Variants in ESR1 observed in about 807,000 individuals in gnomAD.
The protein encoded by ESR1 is estrogen receptor.
ESR1 carries 12 observed loss-of-function variants against 52.7 expected under a neutral mutation model. The observed-to-expected ratio is 0.23, with a 90% CI of 0.15 to 0.37. The LOEUF (loss-of-function observed/expected upper bound fraction) is 0.37. Ranked by LOEUF, ESR1 falls within the 10% of genes least tolerant of loss-of-function variation. ESR1 has a pLI of 1.00. For synonymous variants in ESR1, 305 were observed against 316.8 expected (o/e 0.96, Z 0.39); for missense variants, 584 against 779.7 (o/e 0.75, Z 2.99).
Position 152,125,407 on chromosome 6 carries a change from T to A in ESR1, c.*59T>A, listed in dbSNP as rs1477941752. 4.0e-6 allele frequency: 6 copies of A among 1,511,702 alleles called. No homozygotes were observed. In the East Asian group the frequency reaches 1.2e-4, roughly 31 times the overall value. 93.6% of individuals were successfully genotyped at this position (1,511,702 alleles called of 1,614,324 possible). A position where few individuals can be genotyped will look rare whatever the true frequency, so the allele number is the denominator to read the frequency against. On this transcript the variant is annotated 3_prime_UTR_variant, in exon 7 of 7. Transcript: ENST00000427531. ...AGATCATCAAATCCGTGTGTGGACG[T>A]GGGGACATTTTGTTTTGAGGCAGTT...
chr6:151,732,493 C>T (rs369866585), intron 2 of ESR1, among the ~76,000 whole-genome samples: 5 of 151,268 alleles, frequency 3.3e-5, no homozygotes, highest in African/African-American at 1.2e-4. Flanking sequence ...ATTTACGTGT[C>T]GGTAAATAGG....
chr6:151,904,488 A>G (rs532431458), intron 3 of ESR1, among the ~76,000 whole-genome samples: 1 of 152,280 alleles, frequency 6.6e-6, no homozygotes, highest in East Asian at 1.9e-4. Context: ...ATTCAAAAAT[A>G]TGCATTTTAT....
intron 6 of ESR1, among the ~76,000 whole-genome samples, chr6:152,115,860 A>G (rs1294316969): frequency 1.3e-5 from 2 of 152,300 alleles, no homozygotes; most frequent in East Asian, 1.9e-4. Flanking sequence ...AACTGATAGC[A>G]TCTAGGCCAG....
intron 2 of ESR1, among the ~76,000 whole-genome samples, chr6:151,746,760 G>C (rs182420215): frequency 4.7e-4 from 72 of 152,348 alleles, no homozygotes; most frequent in Admixed American, 2.0e-3. Flanking sequence ...TTTAGGTATG[G>C]AGTGGGTAGA....
At position 152,011,675 on chromosome 6, in the gene ESR1, C is replaced by G. The variant is rs767233924; in HGVS notation, c.1116C>G (p.Leu372=). 1 of 1,613,230 alleles carries G rather than the reference C, an allele frequency of 6.2e-7. No individual in the cohort carries two copies. Among genetic ancestry groups the G allele is most frequent in the Non-Finnish European group, 8.5e-7 (1 of 1,179,494 alleles). The change falls in exon 5 of 8, where the codon CTC becomes CTG. Residue 372 remains leucine, a synonymous_variant. Transcript: ENST00000206249. ...KRVPGFVDLT[L]HDQVHLLECA... ...TTTCAGGCTTTGTGGATTTGACCCT[C>G]CATGATCAGGTCCACCTTCTAGAAT...
Position 152,102,737 on chromosome 6 carries a change from CTG to C in ESR1, c.*3773_*3774del. On this transcript the variant is annotated 3_prime_UTR_variant, in exon 8 of 8. Coordinates refer to ENST00000206249, the MANE Select transcript of ESR1 (RefSeq NM_000125.4). Reference sequence around the variant, plus strand: ...TCTATTATGGCACTTCAATTTTGCACTGTCTTTTGAGATTCAAGAAAAATTTC... The same window carrying C: ...TCTATTATGGCACTTCAATTTTGCACTCTTTTGAGATTCAAGAAAAATTTC... The C allele has an allele frequency of 4.6e-6, 1 of 218,892 alleles. No homozygotes were observed. Among genetic ancestry groups the C allele is most frequent in the Non-Finnish European group, 9.2e-6 (1 of 108,788 alleles). The allele number at this position is 218,892 out of a possible 1,614,324, so 13.6% of individuals were successfully genotyped here.
intron 2 of ESR1, among the ~76,000 whole-genome samples, chr6:151,873,810 TCTTA>T (rs544276088): frequency 2.4e-4 from 37 of 152,352 alleles, no homozygotes; most frequent in African/African-American, 8.2e-4. Context: ...GATTTTGACA[TCTTA>T]CTTGTCAACT....
chr6:151,897,587 G>C (rs2128390237), intron 3 of ESR1, among the ~76,000 whole-genome samples: 1 of 152,306 alleles, frequency 6.6e-6, no homozygotes, highest in South Asian at 2.1e-4. Context: ...TGTGTTAGGT[G>C]AGTTTCTTGA....
At chr6:151,984,739 C>A (rs1026366230) in intron 4 of ESR1, among the ~76,000 whole-genome samples, 6 of 152,104 alleles carry the variant, frequency 3.9e-5, no homozygotes, top group Non-Finnish European at 5.9e-5. Context: ...TTTTATGACC[C>A]TTGTTTCTAC....
chr6:152,042,975 T>C (rs144280681), intron 5 of ESR1, among the ~76,000 whole-genome samples: 2 of 152,316 alleles, frequency 1.3e-5, no homozygotes, highest in East Asian at 3.9e-4. Flanking sequence ...TGGTTCCCAC[T>C]ATAATATCTA....
At chr6:151,698,674 G>A (rs535974013) in intron 1 of ESR1, among the ~76,000 whole-genome samples, 36 of 152,180 alleles carry the variant, frequency 2.4e-4, no homozygotes, top group African/African-American at 8.7e-4. Flanking sequence ...AAAAGAAAAG[G>A]CAAGGAGCTA....
chr6:151,937,727 T>C (rs1435284912), intron 3 of ESR1, among the ~76,000 whole-genome samples: 2 of 152,212 alleles, frequency 1.3e-5, no homozygotes. Context: ...TTACATAAAT[T>C]ACGTAGTGTA....
chr6:151,938,901 T>C (rs73621275), intron 3 of ESR1, among the ~76,000 whole-genome samples: 1 of 152,310 alleles, frequency 6.6e-6, no homozygotes, highest in African/African-American at 2.4e-5. Flanking sequence ...GAGCTTGGTA[T>C]CTCGATCCCT....
upstream of ESR1, among the ~76,000 whole-genome samples, chr6:151,806,028 A>G (rs1022185157): frequency 2.0e-5 from 3 of 152,194 alleles, no homozygotes; most frequent in Non-Finnish European, 2.9e-5. Flanking sequence ...TAAGAGCCCT[A>G]TGAAGTGCTT....
At chr6:151,962,380 G>A (rs991950451) in intron 4 of ESR1, among the ~76,000 whole-genome samples, 7 of 152,132 alleles carry the variant, frequency 4.6e-5, no homozygotes, top group Non-Finnish European at 1.0e-4. Context: ...GACCACGGGA[G>A]CACCCTGAAA....
chr6:152,004,715 A>C (rs2042204268), intron 4 of ESR1, among the ~76,000 whole-genome samples: 1 of 152,010 alleles, frequency 6.6e-6, no homozygotes, highest in Admixed American at 6.6e-5. Flanking sequence ...GGAATGGGTA[A>C]TGTCAGAAAT....
intron 2 of ESR1, among the ~76,000 whole-genome samples, chr6:151,705,072 T>C (rs551155664): frequency 5.3e-5 from 8 of 152,204 alleles, no homozygotes; most frequent in African/African-American, 1.7e-4. Context: ...GAAATGATAT[T>C]TGTATCCCCA....
At chr6:151,850,126 G>GCATATAAAATAATATATATATA (rs1786368129) in intron 2 of ESR1, among the ~76,000 whole-genome samples, 1 of 1,814 alleles carries the variant, frequency 5.5e-4, no homozygotes, top group African/African-American at 3.2e-3. Context: ...ATATATATAT[G>GCATATAAAATAATATATATATA]TCTGGTACAG....
intron 5 of ESR1, among the ~76,000 whole-genome samples, chr6:152,037,735 T>C (rs2128885652): frequency 6.6e-6 from 1 of 152,306 alleles, no homozygotes; most frequent in Admixed American, 6.5e-5. Flanking sequence ...AAAGCACATC[T>C]TTCTGCTGGA....
Sources: gnomAD v4.1 joint callset for allele counts (sites outside exome capture counted in the v4.1 genomes callset) on GRCh38, gnomAD v4.1.1 for gene constraint, MANE v1.5 for transcripts, NCBI Gene and HGNC (gene_info 2026-07-23, HGNC 2026-07-21) for gene names.